Variants in SUCO observed in about 807,000 individuals in gnomAD.
SUCO encodes the protein SUN domain-containing ossification factor.
In SUCO, 57 loss-of-function variants were observed where a neutral mutation model predicts 148.1. That is an observed-to-expected ratio of 0.38 (90% CI 0.31 to 0.48). The LOEUF is 0.48. SUCO is among the 20% of genes least tolerant of loss of function. The pLI is 0.96. For missense variants in SUCO, 1,331 were observed against 1,468.2 expected, an observed-to-expected ratio of 0.91 and a Z score of 1.53; for synonymous variants, 470 against 502.7, an observed-to-expected ratio of 0.93 and a Z score of 0.87.
chr1:172,576,935 A>G (rs1413808403), intron 11 of SUCO: 1 of 712,252 alleles, frequency 1.4e-6, no homozygotes, highest in Non-Finnish European at 1.7e-6. Flanking sequence ...CAAATCTACT[A>G]CTTTTTAATA....
chr1:172,565,775 A>G (rs996350319), intron 6 of SUCO, among the ~76,000 whole-genome samples: 6 of 152,256 alleles, frequency 3.9e-5, no homozygotes, highest in African/African-American at 1.2e-4. Context: ...TTGAAAATGA[A>G]ATGACTGGTG....
chr1:172,565,361 T>C (rs1654477556), intron 6 of SUCO, among the ~76,000 whole-genome samples: 1 of 151,880 alleles, frequency 6.6e-6, no homozygotes, highest in African/African-American at 2.4e-5. Context: ...CAAGAAGGAG[T>C]TGCAACTCGC....
At chr1:172,600,000 T>C in intron 19 of SUCO, 64 bp from the exon 20 acceptor site, 1 of 1,125,774 alleles carries the variant, frequency 8.9e-7, no homozygotes, top group Non-Finnish European at 1.2e-6. Flanking sequence ...ATTATTTGAC[T>C]TCAATTTATA....
At chr1:172,561,383 A>AT (rs913885981) in intron 6 of SUCO, among the ~76,000 whole-genome samples, 3 of 152,076 alleles carry the variant, frequency 2.0e-5, no homozygotes, top group African/African-American at 7.2e-5. Context: ...TGTTTGTGAG[A>AT]TTTTTTGGAT....
At chr1:172,566,775 G>A (rs1298377491) in intron 6 of SUCO, among the ~76,000 whole-genome samples, 2 of 152,212 alleles carry the variant, frequency 1.3e-5, no homozygotes, top group African/African-American at 4.8e-5. Flanking sequence ...TCCAGGTGTT[G>A]CCATGGCAGT....
chr1:172,555,648 T>A (rs2239817), intron 3 of SUCO, among the ~76,000 whole-genome samples: 41,126 of 152,042 alleles, frequency 0.27, 5,933 homozygotes, highest in South Asian at 0.37. Flanking sequence ...TTTCCTAGTT[T>A]ATGAAATGCC....
chr1:172,568,378 T>C (rs1242136427), intron 6 of SUCO: 2 of 931,542 alleles, frequency 2.1e-6, no homozygotes, highest in African/African-American at 3.6e-5. Context: ...GTTGACTGAA[T>C]GTATTGCAGA....
Position 172,589,819 on chromosome 1 carries a change from T to C in SUCO, c.2718T>C (p.His906=). Residue 906 remains histidine (H), a synonymous_variant, in exon 18 of 24, where the codon CAT becomes CAC. Transcript: ENST00000263688. ...GATATGCTAATGGAAATCTTGTACA[T>C]GGATCAAACCAAAAGGAGTCAGTAT... is the stretch of plus-strand genomic sequence containing the variant. ...DLGYANGNLV[H]GSNQKESVFM... is the part of the protein sequence containing the mutation. 1 of 1,610,528 alleles carries C rather than the reference T, an allele frequency of 6.2e-7. No individual in the cohort carries two copies. Among genetic ancestry groups the C allele is most frequent in the Non-Finnish European group, 8.5e-7 (1 of 1,178,868 alleles).
At chr1:172,566,437 A>G (rs746907093) in intron 6 of SUCO, among the ~76,000 whole-genome samples, 7 of 152,194 alleles carry the variant, frequency 4.6e-5, no homozygotes, top group Non-Finnish European at 8.8e-5. Context: ...TGGTCACCAG[A>G]TGATTCAGGA....
intron 6 of SUCO, chr1:172,568,334 T>A: frequency 2.2e-6 from 2 of 920,094 alleles, no homozygotes; most frequent in Non-Finnish European, 2.6e-6. Context: ...TTATTTGATT[T>A]GCTGATACTC....
At chr1:172,601,349 G>A (rs148823279) in intron 20 of SUCO, among the ~76,000 whole-genome samples, 2 of 152,172 alleles carry the variant, frequency 1.3e-5, no homozygotes, top group East Asian at 1.9e-4. Context: ...AAAATTAGCC[G>A]GTGTGGTGGC....
chr1:172,596,448 C>T (rs1657104011), intron 19 of SUCO, among the ~76,000 whole-genome samples: 1 of 152,188 alleles, frequency 6.6e-6, no homozygotes, highest in East Asian at 1.9e-4. Context: ...ATGATGGTAA[C>T]GTACAGATGG....
At chr1:172,532,707 A>C (rs778189970), upstream of SUCO, 2 of 1,614,022 alleles carry the variant, frequency 1.2e-6, no homozygotes, top group Non-Finnish European at 1.7e-6. Flanking sequence ...CATGGATTCT[A>C]GGAGGGACTG....
In SUCO at chr1:172,553,245, G is replaced by A. The variant is rs1033873039; in HGVS notation, c.178-15G>A. On this transcript the variant is annotated splice_polypyrimidine_tract_variant and intron_variant, in intron 2 of 23. Coordinates refer to ENST00000263688, the MANE Select transcript of SUCO (RefSeq NM_014283.5). Reference sequence around the variant, plus strand: ...ACAGTTTTATCAGGTGATTTTTGTTGTTGTTGTTATATAGGATGAAAGAGA... The same window carrying A: ...ACAGTTTTATCAGGTGATTTTTGTTATTGTTGTTATATAGGATGAAAGAGA... The A allele has an allele frequency of 1.9e-6, 3 of 1,540,756 alleles. No homozygotes were observed. Among genetic ancestry groups the A allele is most frequent in the Admixed American group, 1.9e-5 (1 of 52,774 alleles).
intron 13 of SUCO, 133 bp from the exon 14 acceptor site, chr1:172,578,165 G>T: frequency 1.5e-6 from 1 of 676,484 alleles, no homozygotes; most frequent in Admixed American, 2.5e-5. Flanking sequence ...GTAAGGAGCA[G>T]CCATTATTTT....
intron 20 of SUCO, 145 bp downstream of exon 20, chr1:172,600,313 G>A: frequency 3.2e-6 from 2 of 627,112 alleles, no homozygotes; most frequent in Non-Finnish European, 5.6e-6. Context: ...ACCAGAATAT[G>A]GCATTTTTAA....
At chr1:172,562,655 G>T (rs114646843) in intron 6 of SUCO, among the ~76,000 whole-genome samples, 1 of 152,148 alleles carries the variant, frequency 6.6e-6, no homozygotes, top group Non-Finnish European at 1.5e-5. Flanking sequence ...TTTAGAAAGT[G>T]TATTGTAAAC....
intron 9 of SUCO, among the ~76,000 whole-genome samples, chr1:172,571,364 A>G (rs932487766): frequency 2.6e-5 from 4 of 152,098 alleles, no homozygotes; most frequent in Non-Finnish European, 5.9e-5. Context: ...CTCAGTGCTC[A>G]ATGGTGCCCA....
chr1:172,564,275 A>G (rs1166503092), intron 6 of SUCO, among the ~76,000 whole-genome samples: 1 of 152,236 alleles, frequency 6.6e-6, no homozygotes, highest in Admixed American at 6.5e-5. Flanking sequence ...ACCATCCTCC[A>G]GACCCCAGAA....
Sources: allele counts gnomAD v4.1 joint callset (sites outside exome capture counted in the v4.1 genomes callset), GRCh38; gene constraint gnomAD v4.1.1; transcripts MANE v1.5; gene names NCBI Gene and HGNC (gene_info 2026-07-23, HGNC 2026-07-21).